Variants in PPIP5K2 observed in about 807,000 individuals in gnomAD.
PPIP5K2 encodes the protein diphosphoinositol pentakisphosphate kinase 2.
A neutral mutation model predicts 154.6 loss-of-function variants in PPIP5K2; 105 were observed. The observed-to-expected ratio is 0.68, with a 90% CI of 0.58 to 0.80. The LOEUF is 0.80. PPIP5K2 is among the 30% of genes least tolerant of loss of function. The pLI is 0.00. For missense variants in PPIP5K2, 992 were observed against 1,504.6 expected (o/e 0.66, Z 5.64); for synonymous variants, 480 against 490.3 (o/e 0.98, Z 0.28).
At chr5:103,168,378 G>A (rs1434036290) in intron 19 of PPIP5K2, 83 bp downstream of exon 19, 8 of 1,067,418 alleles carry the variant, frequency 7.5e-6, no homozygotes, top group African/African-American at 1.7e-5. Context: ...AAGGTAGTTG[G>A]TTTTCATGTC....
Position 103,136,852 on chromosome 5 carries a change from A to G in PPIP5K2, c.401+30A>G, listed in dbSNP as rs782337680. 6 of 1,507,484 alleles carry G rather than the reference A, an allele frequency of 4.0e-6. No homozygotes were observed. In the South Asian group the frequency reaches 6.8e-5, roughly 17 times the overall value. 93.4% of individuals were successfully genotyped at this position (1,507,484 alleles called of 1,614,324 possible). A position where few individuals can be genotyped will look rare whatever the true frequency, so the allele number is the denominator to read the frequency against. ...GTGGTGAAGTTGGCTGAATTAAGGG[A>G]AGGAAAAATAACATTAATTTAGTAC... is the stretch of plus-strand genomic sequence containing the variant. On this transcript the variant is annotated intron_variant, in intron 4 of 30. Coordinates refer to ENST00000358359, the MANE Select transcript of PPIP5K2 (RefSeq NM_001276277.3).
At chr5:103,179,221 C>T (rs1206752316) in intron 23 of PPIP5K2, among the ~76,000 whole-genome samples, 3 of 151,836 alleles carry the variant, frequency 2.0e-5, no homozygotes, top group Non-Finnish European at 4.4e-5. Context: ...TTCTCTGTAA[C>T]CCTTAATTTG....
chr5:103,158,673 G>A, intron 16 of PPIP5K2, 100 bp downstream of exon 16: 10 of 1,013,146 alleles, frequency 9.9e-6, no homozygotes, highest in South Asian at 2.1e-5. Flanking sequence ...TGTAATCCTA[G>A]CACTTTGGGA....
At chr5:103,157,910 C>T (rs781821161) in intron 14 of PPIP5K2, among the ~76,000 whole-genome samples, 27 of 152,100 alleles carry the variant, frequency 1.8e-4, no homozygotes, top group Non-Finnish European at 3.2e-4. Flanking sequence ...AGAAACATTA[C>T]ATCCCTGAAG....
At chr5:103,190,469 C>T (rs1022068526) in intron 28 of PPIP5K2, among the ~76,000 whole-genome samples, 61 of 152,030 alleles carry the variant, frequency 4.0e-4, no homozygotes, top group African/African-American at 1.4e-3. Flanking sequence ...ATCAGGGATA[C>T]ATCATGTGGC....
chr5:103,206,171 G>A lies in PPIP5K2; in HGVS notation c.*4537G>A, dbSNP rs576516649. 1 of 152,122 alleles carries A rather than the reference G, an allele frequency of 6.6e-6. No individual in the cohort carries two copies. The highest frequency in any genetic ancestry group is 6.5e-5 in the Admixed American group (1 of 15,278). The allele number at this position is 152,122 out of a possible 1,614,324, so 9.4% of individuals were successfully genotyped here. ...ATTACACATTTCTGAAGGTCCAAAG[G>A]TGGGGTTGGCTTCAGCCACAGTTGC... On this transcript the variant is annotated 3_prime_UTR_variant, in exon 31 of 31. Transcript: ENST00000358359.
At chr5:103,146,421 GT>G in intron 5 of PPIP5K2, 105 bp from the exon 6 acceptor site, 1 of 1,201,240 alleles carries the variant, frequency 8.3e-7, no homozygotes, top group Non-Finnish European at 1.1e-6. Context: ...CATTATCCAA[GT>G]TTTCTTTTAT....
At position 103,129,709 on chromosome 5, in the gene PPIP5K2, T is replaced by C. The variant is rs1790299707; in HGVS notation, c.114+6T>C. The C allele has an allele frequency of 6.3e-7, 1 of 1,594,076 alleles. No homozygotes were observed. Among genetic ancestry groups the C allele is most frequent in the Non-Finnish European group, 8.5e-7 (1 of 1,173,768 alleles). ...ATGAGGAGGAAGATGATTCTGTAAG[T>C]TGTTTGTTTTTCCTTTGGCGAGAGA... On this transcript the variant is annotated splice_donor_region_variant and intron_variant, in intron 2 of 30. Coordinates refer to ENST00000358359, the MANE Select transcript of PPIP5K2 (RefSeq NM_001276277.3).
chr5:103,146,839 A>T (rs1346667534), intron 6 of PPIP5K2, among the ~76,000 whole-genome samples, 158 bp downstream of exon 6: 1 of 152,006 alleles, frequency 6.6e-6, no homozygotes, highest in Admixed American at 6.5e-5. Context: ...TTAGAAAAGC[A>T]TGGCATCATT....
Position 103,152,721 on chromosome 5 carries a change from C to A in PPIP5K2, c.1102C>A (p.Pro368Thr). 1 of 1,581,738 alleles carries A rather than the reference C, an allele frequency of 6.3e-7. No homozygotes were observed. Among genetic ancestry groups the A allele is most frequent in the Non-Finnish European group, 8.7e-7 (1 of 1,151,558 alleles). ...AATACCCTTAGAAGCTGAAGATATC[C>A]CAATTGTACCAACTACATCTGGAAC... The part of the protein sequence containing the change: ...WSIPLEAEDI[P>T]IVPTTSGTMM... The change falls in exon 10 of 31, where the codon CCA (proline) becomes ACA (threonine). Residue 368 changes from proline (P) to threonine (T), a missense_variant. By Grantham distance (38) the Pro-to-Thr change is conservative. Around this residue, in one of 9 missense-constraint regions of PPIP5K2, gnomAD observed 163 missense variants for 285.2 expected, o/e 0.57. Transcript: ENST00000358359.
intron 4 of PPIP5K2, among the ~76,000 whole-genome samples, chr5:103,137,929 AT>A (rs1351497723): frequency 2.6e-5 from 4 of 152,114 alleles, no homozygotes; most frequent in African/African-American, 4.8e-5. Flanking sequence ...TATCTATCAT[AT>A]TTTTTTCCTA....
intron 1 of PPIP5K2, among the ~76,000 whole-genome samples, chr5:103,128,057 T>C (rs1790009297): frequency 1.3e-5 from 2 of 152,196 alleles, no homozygotes; most frequent in Non-Finnish European, 2.9e-5. Flanking sequence ...TACAAATTAT[T>C]TTAAATGTAA....
At chr5:103,155,329 A>G (rs532313562) in intron 13 of PPIP5K2, among the ~76,000 whole-genome samples, 4 of 147,554 alleles carry the variant, frequency 2.7e-5, no homozygotes, top group South Asian at 2.1e-4. Context: ...ATCTCTTACA[A>G]TCTTATTTCC....
In PPIP5K2 at chr5:103,206,974, G is replaced by A. The variant is rs11744885; in HGVS notation, c.*5340G>A. 7,980 of 152,340 alleles carry A rather than the reference G, an allele frequency of 0.052. 311 individuals carry two copies. The highest frequency in any genetic ancestry group is 0.082 in the Non-Finnish European group (5,578 of 68,074). 9.4% of individuals were successfully genotyped at this position (152,340 alleles called of 1,614,324 possible). ...GTCTCAGTCAAGGCCCACCAATAGC[G>A]AGGTCTCTGTGGAGGCACCTGAAAA... is the stretch of plus-strand genomic sequence containing the variant. On this transcript the variant is annotated 3_prime_UTR_variant, in exon 31 of 31. Coordinates refer to ENST00000358359, the MANE Select transcript of PPIP5K2 (RefSeq NM_001276277.3).
At chr5:103,124,679 T>C (rs1789349378) in intron 1 of PPIP5K2, among the ~76,000 whole-genome samples, 1 of 152,218 alleles carries the variant, frequency 6.6e-6, no homozygotes, top group Non-Finnish European at 1.5e-5. Context: ...TTTTTCATAT[T>C]AAGGCATACC....
chr5:103,121,626 G>C (rs34784), intron 1 of PPIP5K2, among the ~76,000 whole-genome samples: 36,957 of 152,168 alleles, frequency 0.24, 5,174 homozygotes, highest in East Asian at 0.45. Context: ...AGTTAGACAT[G>C]ATCTCTGTCT....
chr5:103,141,723 CAG>C (rs1792704827), intron 5 of PPIP5K2, among the ~76,000 whole-genome samples: 1 of 152,210 alleles, frequency 6.6e-6, no homozygotes, highest in South Asian at 2.1e-4. Context: ...GAGCTAAACA[CAG>C]GGTGCTGATT....
intron 23 of PPIP5K2, 78 bp from the exon 24 acceptor site, chr5:103,179,943 A>T: frequency 8.2e-7 from 1 of 1,218,416 alleles, no homozygotes; most frequent in Non-Finnish European, 1.1e-6. Context: ...TACCTCTACC[A>T]GTGGTAGTTG....
rs1554230584 is a variant in PPIP5K2, at chr5:103,201,685, T to C, written c.*51T>C. On this transcript the variant is annotated 3_prime_UTR_variant, in exon 31 of 31. Coordinates refer to ENST00000358359, the MANE Select transcript of PPIP5K2 (RefSeq NM_001276277.3). ...TATACTTATAAAAATAGTATGTTCT[T>C]ATGTTTCTCCTTATGCATTTATGTG... 1.6e-6 allele frequency: 2 copies of C among 1,272,466 alleles called. No individual in the cohort carries two copies. Among genetic ancestry groups the C allele is most frequent in the Non-Finnish European group, 2.2e-6 (2 of 908,314 alleles). 78.8% of individuals were successfully genotyped at this position (1,272,466 alleles called of 1,614,324 possible). A position where few individuals can be genotyped will look rare whatever the true frequency, so the allele number is the denominator to read the frequency against.
Sources: allele counts gnomAD v4.1 joint callset (sites outside exome capture counted in the v4.1 genomes callset), GRCh38; gene constraint gnomAD v4.1.1; regional missense constraint gnomAD v4.1.1; transcripts MANE v1.5; gene names NCBI Gene and HGNC (gene_info 2026-07-23, HGNC 2026-07-21).